KRT71: variants seen among roughly 807,000 people sequenced by gnomAD.
KRT71 encodes keratin, type II cytoskeletal 71.
In KRT71, 42 loss-of-function variants were observed where a neutral mutation model predicts 46.2. The ratio of observed to expected loss-of-function variants is 0.91; its 90% confidence interval spans 0.71 to 1.18. The LOEUF (loss-of-function observed/expected upper bound fraction) is 1.18, where lower values mean the gene tolerates loss of function less well. Ranked by LOEUF, KRT71 falls within the 50% of genes most tolerant of loss-of-function variation. The probability of loss-of-function intolerance (pLI) is 0.00; values close to 1 mark genes in which losing one functional copy is unlikely to be tolerated. For missense variants in KRT71, 708 were observed against 677.9 expected, an observed-to-expected ratio of 1.04 and a Z score of -0.49; for synonymous variants, 292 against 277.8, an observed-to-expected ratio of 1.05 and a Z score of -0.51.
intron 1 of KRT71, 138 bp downstream of exon 1, chr12:52,552,499 G>A (rs1423792921): frequency 8.1e-6 from 7 of 860,146 alleles, no homozygotes; most frequent in African/African-American, 1.7e-5. Context: ...TCACCCTGTT[G>A]ATGGGATGTA....
Position 52,544,214 on chromosome 12 carries a change from A to T in KRT71, c.*318T>A. The T allele has an allele frequency of 2.4e-6, 1 of 421,454 alleles. No individual in the cohort carries two copies. Among genetic ancestry groups the T allele is most frequent in the Non-Finnish European group, 4.4e-6 (1 of 226,550 alleles). 26.1% of individuals were successfully genotyped at this position (421,454 alleles called of 1,614,324 possible). ...GGCAGAGACCCAGGGAGCCCAGCAGAGTAGTTAGCGACTGCGCTAGAGGCC... is the reference window on the plus strand; with the variant it reads ...GGCAGAGACCCAGGGAGCCCAGCAGTGTAGTTAGCGACTGCGCTAGAGGCC... On this transcript the variant is annotated 3_prime_UTR_variant, in exon 9 of 9. Transcript: ENST00000267119.
chr12:52,546,279 C>T lies in KRT71; in HGVS notation c.1325+7G>A, dbSNP rs145195552. ...GGGGCCCTCCTGTCTGGGCACGCCC[C>T]GCCCACCTGCACTCCTCGCTCTCCA... is the stretch of plus-strand genomic sequence containing the variant. On this transcript the variant is annotated splice_region_variant and intron_variant, in intron 7 of 8. Coordinates refer to ENST00000267119, the MANE Select transcript of KRT71 (RefSeq NM_033448.3). 939 of 1,613,892 alleles carry T rather than the reference C, an allele frequency of 5.8e-4. 5 individuals carry two copies. In the African/African-American group the frequency reaches 0.011, roughly 20 times the overall value.
rs1939091587 is a variant in KRT71, at chr12:52,548,186, C to G, written c.944G>C (p.Ser315Thr). ...RTQYEEIALK[S>T]KAEAEALYQT... ...GTACAGGGCCTCAGCCTCGGCCTTA[C>G]TCTTCAAGGCAATCTCCTCATACTG... Residue 315 changes from serine to threonine, a missense_variant, in exon 5 of 9, where the codon AGT becomes ACT. Ser to Thr is a moderately conservative substitution (Grantham distance 58). Coordinates refer to ENST00000267119, the MANE Select transcript of KRT71 (RefSeq NM_033448.3). 1 of 1,613,964 alleles carries G rather than the reference C, an allele frequency of 6.2e-7. No homozygotes were observed. The highest frequency in any genetic ancestry group is 8.5e-7 in the Non-Finnish European group (1 of 1,179,940).
At chr12:52,549,408 C>CA in intron 2 of KRT71, 55 bp from the exon 3 acceptor site, 1 of 1,447,032 alleles carries the variant, frequency 6.9e-7, no homozygotes, top group South Asian at 1.1e-5. Context: ...CCCTTGCTTT[C>CA]ACAGGGCAGC....
In KRT71 at chr12:52,550,146, A is replaced by G; in HGVS notation, c.539T>C (p.Ile180Thr). Residue 180 changes from isoleucine to threonine, a missense_variant, in exon 2 of 9, where the codon ATC (isoleucine) becomes ACC (threonine). By Grantham distance (89) the Ile-to-Thr change is moderately conservative. Coordinates refer to ENST00000267119, the MANE Select transcript of KRT71 (RefSeq NM_033448.3). ...LNNCKNNLEP[I>T]LEGYISNLRK... ...CAGGTTGCTGATGTAGCCCTCGAGG[A>G]TGGGCTCCAGGTTGTTCTTGCAGTT... is the stretch of plus-strand genomic sequence containing the variant. 6.2e-7 allele frequency: 1 copy of G among 1,614,062 alleles called. No homozygotes were observed. The highest frequency in any genetic ancestry group is 8.5e-7 in the Non-Finnish European group (1 of 1,180,020).
intron 4 of KRT71, 127 bp from the exon 5 acceptor site, chr12:52,548,443 A>C (rs1939098171): frequency 8.7e-7 from 1 of 1,146,534 alleles, no homozygotes; most frequent in Admixed American, 2.4e-5. Context: ...GCTGCCATCC[A>C]GGGCTGTGTG....
rs1043686779 is a variant in KRT71 at position 52,546,276 on chromosome 12, C to T, written c.1325+10G>A. 1 of 1,613,634 alleles carries T rather than the reference C, an allele frequency of 6.2e-7. No individual in the cohort carries two copies. Among genetic ancestry groups the T allele is most frequent in the Non-Finnish European group, 8.5e-7 (1 of 1,179,750 alleles). On this transcript the variant is annotated intron_variant, in intron 7 of 8. Transcript: ENST00000267119. ...CCTGGGGCCCTCCTGTCTGGGCACG[C>T]CCCGCCCACCTGCACTCCTCGCTCT... is the stretch of plus-strand genomic sequence containing the variant.
In KRT71 at chr12:52,550,171, T is replaced by C; in HGVS notation, c.514A>G (p.Asn172Asp). 1.2e-6 allele frequency: 2 copies of C among 1,614,208 alleles called. No homozygotes were observed. Among genetic ancestry groups the C allele is most frequent in the South Asian group, 2.2e-5 (2 of 91,080 alleles). Reference sequence around the variant, plus strand: ...ATGGGCTCCAGGTTGTTCTTGCAGTTGTTCAGGTCCAGCTGCTGCAGCAGC... The same window carrying C: ...ATGGGCTCCAGGTTGTTCTTGCAGTCGTTCAGGTCCAGCTGCTGCAGCAGC... ...WELLQQLDLNNCKNNLEPILE... is the reference protein window; with the variant it reads ...WELLQQLDLNDCKNNLEPILE... Residue 172 changes from asparagine (N) to aspartate (D), a missense_variant, in exon 2 of 9, where the codon AAC (asparagine) becomes GAC (aspartate). Transcript: ENST00000267119.
In KRT71 at chr12:52,553,000, C is replaced by G. The variant is rs760559072; in HGVS notation, c.78G>C (p.Gly26=). The change falls in exon 1 of 9, where the codon GGG becomes GGC. Residue 26 remains glycine, a synonymous_variant. Coordinates refer to ENST00000267119, the MANE Select transcript of KRT71 (RefSeq NM_033448.3). The part of the protein sequence containing the change: ...GFSGCSAVLS[G]GSSSSFRAGS... ...CTGCCCGGAAGGAGGATGAGCTGCC[C>G]CCTGAGAGCACAGCTGAGCAGCCAC... 1.2e-6 allele frequency: 2 copies of G among 1,613,826 alleles called. No homozygotes were observed. The highest frequency in any genetic ancestry group is 1.7e-6 in the Non-Finnish European group (2 of 1,179,860).
intron 6 of KRT71, 99 bp downstream of exon 6, chr12:52,547,758 C>G: frequency 6.8e-7 from 1 of 1,460,016 alleles, no homozygotes; most frequent in Non-Finnish European, 9.3e-7. Context: ...TCTCTTCTCC[C>G]AGGCAGCGAT....
chr12:52,552,144 A>T (rs1057391504), intron 1 of KRT71, among the ~76,000 whole-genome samples: 1 of 152,206 alleles, frequency 6.6e-6, no homozygotes, highest in Non-Finnish European at 1.5e-5. Flanking sequence ...CCCCTTCCCC[A>T]GTGCCCTCTT....
In KRT71 at chr12:52,546,289, C is replaced by T; in HGVS notation, c.1322G>A (p.Cys441Tyr). 6.2e-7 allele frequency: 1 copy of T among 1,614,130 alleles called. No individual in the cohort carries two copies. Among genetic ancestry groups the T allele is most frequent in the Non-Finnish European group, 8.5e-7 (1 of 1,180,012 alleles). The part of the protein sequence containing the change: ...TYRKLLESEE[C>Y]RMSGEFPSPV... ...TGTCTGGGCACGCCCCGCCCACCTG[C>T]ACTCCTCGCTCTCCAGTAGCTTGCG... The change falls in exon 7 of 9, where the codon TGC becomes TAC. Residue 441 changes from cysteine to tyrosine, a missense_variant. Transcript: ENST00000267119.
At chr12:52,548,376 C>T in intron 4 of KRT71, 60 bp from the exon 5 acceptor site, 2 of 1,546,678 alleles carry the variant, frequency 1.3e-6, no homozygotes, top group Non-Finnish European at 1.8e-6. Context: ...AACCACCACC[C>T]CCAAACAAGA....
chr12:52,547,968 C>T lies in KRT71; in HGVS notation c.993G>A (p.Gln331=). ...ALYQTKFQEL[Q]LAAGRHGDDL... ...CGTCCCCATGCCTGCCAGCTGCCAG[C>T]TGAAGCTCTTGGAACTGGGGACCCC... Residue 331 remains glutamine (Q), a synonymous_variant, in exon 6 of 9, where the codon CAG becomes CAA. Transcript: ENST00000267119. The T allele has an allele frequency of 6.2e-7, 1 of 1,613,660 alleles. No homozygotes were observed. The highest frequency in any genetic ancestry group is 8.5e-7 in the Non-Finnish European group (1 of 1,179,858).
rs1488034798 is a variant in KRT71, at chr12:52,544,271, T to C, written c.*261A>G. 1.1e-5 allele frequency: 6 copies of C among 552,522 alleles called. No individual in the cohort carries two copies. Among genetic ancestry groups the C allele is most frequent in the Non-Finnish European group, 9.8e-6 (3 of 306,574 alleles). The allele number at this position is 552,522 out of a possible 1,614,324, so 34.2% of individuals were successfully genotyped here. A position where few individuals can be genotyped will look rare whatever the true frequency, so the allele number is the denominator to read the frequency against. ...AGGAGGAAAGCTGGCAGCCAGGACC[T>C]GGGCTGGTGGTGTAGCTGGGGGACC... On this transcript the variant is annotated 3_prime_UTR_variant, in exon 9 of 9. Coordinates refer to ENST00000267119, the MANE Select transcript of KRT71 (RefSeq NM_033448.3).
At chr12:52,547,606 C>T (rs1442885872) in intron 6 of KRT71, among the ~76,000 whole-genome samples, 4 of 152,170 alleles carry the variant, frequency 2.6e-5, no homozygotes, top group Non-Finnish European at 4.4e-5. Context: ...GGGTACATCG[C>T]TGGGGGAAGG....
intron 1 of KRT71, 32 bp from the exon 2 acceptor site, chr12:52,550,275 C>A (rs759789269): frequency 1.2e-6 from 2 of 1,610,722 alleles, no homozygotes; most frequent in South Asian, 1.1e-5. Flanking sequence ...CTGCTGAACC[C>A]TTGCAGTAAT....
chr12:52,544,353 C>G lies in KRT71; in HGVS notation c.*179G>C. 1.4e-6 allele frequency: 1 copy of G among 696,114 alleles called. No individual in the cohort carries two copies. The highest frequency in any genetic ancestry group is 2.6e-6 in the Non-Finnish European group (1 of 388,834). The allele number at this position is 696,114 out of a possible 1,614,324, so 43.1% of individuals were successfully genotyped here. ...GAGGAATTTCACCAAGCTTGGTCATCCAGGCCTTCCCAGGATCAGGAAGAC... is the reference window on the plus strand; with the variant it reads ...GAGGAATTTCACCAAGCTTGGTCATGCAGGCCTTCCCAGGATCAGGAAGAC... On this transcript the variant is annotated 3_prime_UTR_variant, in exon 9 of 9. Transcript: ENST00000267119.
At chr12:52,546,112 A>G (rs574685468) in intron 7 of KRT71, among the ~76,000 whole-genome samples, 174 bp downstream of exon 7, 8 of 152,122 alleles carry the variant, frequency 5.3e-5, no homozygotes, top group African/African-American at 1.9e-4. Context: ...CAGTCTACTG[A>G]GTGGATACTC....
Sources: allele counts gnomAD v4.1 joint callset (sites outside exome capture counted in the v4.1 genomes callset), GRCh38; gene constraint gnomAD v4.1.1; transcripts MANE v1.5; gene names NCBI Gene and HGNC (gene_info 2026-07-23, HGNC 2026-07-21).